QRFPR: variants seen among roughly 807,000 people sequenced by gnomAD.
QRFPR encodes the protein pyroglutamylated RF-amide peptide receptor.
QRFPR carries 37 observed loss-of-function variants against 31.3 expected under a neutral mutation model. That is an observed-to-expected ratio of 1.18 (90% CI 0.91 to 1.56). The LOEUF (loss-of-function observed/expected upper bound fraction) is 1.56, where lower values mean the gene tolerates loss of function less well. QRFPR is among the 40% of genes most tolerant of loss of function. The pLI is 0.00. For missense variants in QRFPR, 542 were observed against 532.5 expected (o/e 1.02, Z -0.18); for synonymous variants, 197 against 192.0 (o/e 1.03, Z -0.22).
At chr4:121,341,784 A>T (rs1034105415) in intron 1 of QRFPR, among the ~76,000 whole-genome samples, 3 of 152,050 alleles carry the variant, frequency 2.0e-5, no homozygotes, top group African/African-American at 7.2e-5. Flanking sequence ...AATCTGAAAC[A>T]CCTCTGGTCT....
chr4:121,340,533 C>A lies in QRFPR; in HGVS notation c.418G>T (p.Ala140Ser). ...ACAAGTCCCTGGTGCCTTTCCACAG[C>A]AATGCAGGTCATAGTGAGGATTTCT... Reference protein sequence around the residue: ...VTEILTMTCIAVERHQGLVHP... With the variant: ...VTEILTMTCISVERHQGLVHP... The change falls in exon 2 of 6, where the codon GCT becomes TCT. Residue 140 changes from alanine (A) to serine (S), a missense_variant. Physicochemically the swap from Ala to Ser is moderately conservative, Grantham distance 99. Coordinates refer to ENST00000394427, the MANE Select transcript of QRFPR (RefSeq NM_198179.3). The A allele has an allele frequency of 6.2e-7, 1 of 1,614,034 alleles. No homozygotes were observed.
rs139182141 is a variant in QRFPR at position 121,362,268 on chromosome 4, A to G, written c.340+18040T>C. Among the ~76,000 whole-genome samples, 704 of 150,362 alleles carry G rather than the reference A, an allele frequency of 4.7e-3. 49 individuals carry two copies. The highest frequency in any genetic ancestry group is 0.017 in the African/African-American group (682 of 40,724). ...CTGTAAATCAAGATTTTCTGACCAT[A>G]ATAGAACAATATGGCTGGTTTTCTT... On this transcript the variant is annotated intron_variant, in intron 1 of 5. Coordinates refer to ENST00000394427, the MANE Select transcript of QRFPR (RefSeq NM_198179.3).
chr4:121,345,355 G>GTT (rs1725623220), intron 1 of QRFPR, among the ~76,000 whole-genome samples: 3 of 152,190 alleles, frequency 2.0e-5, no homozygotes, highest in Non-Finnish European at 4.4e-5. Flanking sequence ...TCAGCTTCAC[G>GTT]CTGATCCTGT....
intron 1 of QRFPR, among the ~76,000 whole-genome samples, chr4:121,368,905 T>C (rs1726177612): frequency 6.6e-6 from 1 of 151,112 alleles, no homozygotes; most frequent in Non-Finnish European, 1.5e-5. Flanking sequence ...TGAGAATATT[T>C]AGTCTAACTT....
At chr4:121,331,854 T>C (rs1725333697) in intron 4 of QRFPR, among the ~76,000 whole-genome samples, 1 of 151,976 alleles carries the variant, frequency 6.6e-6, no homozygotes, top group African/African-American at 2.4e-5. Flanking sequence ...AGTTTCACCA[T>C]GTCGGTCAGG....
intron 1 of QRFPR, among the ~76,000 whole-genome samples, chr4:121,373,205 A>T (rs1015977705): frequency 8.5e-5 from 13 of 152,244 alleles, no homozygotes; most frequent in East Asian, 5.8e-4. Context: ...TGCACAGTGA[A>T]ATATTTAAAA....
intron 1 of QRFPR, among the ~76,000 whole-genome samples, chr4:121,346,127 A>T (rs1317745568): frequency 6.6e-6 from 1 of 152,250 alleles, no homozygotes; most frequent in Admixed American, 6.5e-5. Flanking sequence ...TTCATAAAGG[A>T]AAGTTTACTT....
chr4:121,357,861 G>A (rs987795755), intron 1 of QRFPR, among the ~76,000 whole-genome samples: 1 of 152,132 alleles, frequency 6.6e-6, no homozygotes, highest in Non-Finnish European at 1.5e-5. Flanking sequence ...GGGGCTTCAG[G>A]GGGAGAGGAT....
Position 121,380,407 on chromosome 4 carries a change from T to A in QRFPR, c.241A>T (p.Asn81Tyr), listed in dbSNP as rs1214623104. The A allele has an allele frequency of 6.2e-7, 1 of 1,614,150 alleles. No individual in the cohort carries two copies. Among genetic ancestry groups the A allele is most frequent in the Non-Finnish European group, 8.5e-7 (1 of 1,180,024 alleles). The change falls in exon 1 of 6, where the codon AAC becomes TAC. Residue 81 changes from asparagine (N) to tyrosine (Y), a missense_variant. Coordinates refer to ENST00000394427, the MANE Select transcript of QRFPR (RefSeq NM_198179.3). ...AGCGCCAAGGAGCAGATAAAGATGTTGGTGACGGTGCGCATGGCCTTGCTG... is the reference window on the plus strand; with the variant it reads ...AGCGCCAAGGAGCAGATAAAGATGTAGGTGACGGTGCGCATGGCCTTGCTG... The part of the protein sequence containing the change: ...TRSKAMRTVT[N>Y]IFICSLALSD...
intron 1 of QRFPR, among the ~76,000 whole-genome samples, chr4:121,347,602 C>G (rs927725975): frequency 6.6e-6 from 1 of 152,136 alleles, no homozygotes; most frequent in Non-Finnish European, 1.5e-5. Context: ...AACGCCCTCT[C>G]CATTAGTCTA....
chr4:121,373,608 C>T (rs1261040409), intron 1 of QRFPR, among the ~76,000 whole-genome samples: 2 of 152,102 alleles, frequency 1.3e-5, no homozygotes, highest in African/African-American at 4.8e-5. Context: ...TCCCCAAGAA[C>T]TCTAAAATTT....
chr4:121,359,420 A>C (rs1442619102), intron 1 of QRFPR, among the ~76,000 whole-genome samples: 1 of 152,016 alleles, frequency 6.6e-6, no homozygotes, highest in Non-Finnish European at 1.5e-5. Flanking sequence ...AGTGAATATA[A>C]AGCAGGCAGA....
intron 3 of QRFPR, among the ~76,000 whole-genome samples, chr4:121,333,827 C>T (rs903469155): frequency 9.9e-5 from 15 of 151,964 alleles, no homozygotes; most frequent in African/African-American, 3.1e-4. Context: ...GGAATAAAAA[C>T]GAGAATATTT....
chr4:121,377,162 A>G (rs1211909014), intron 1 of QRFPR, among the ~76,000 whole-genome samples: 2 of 152,228 alleles, frequency 1.3e-5, no homozygotes. Flanking sequence ...AGTCAGCATC[A>G]TAAAAATCTG....
chr4:121,351,813 G>T (rs887884221), intron 1 of QRFPR, among the ~76,000 whole-genome samples: 1 of 148,074 alleles, frequency 6.8e-6, no homozygotes, highest in African/African-American at 2.5e-5. Flanking sequence ...GTTCACCAAA[G>T]ATACAACTCC....
chr4:121,334,628 G>A (rs1462089658), intron 3 of QRFPR: 3 of 392,478 alleles, frequency 7.6e-6, no homozygotes, highest in Non-Finnish European at 1.5e-5. Context: ...GCCTGGCAGA[G>A]AAAAAAAGGT....
rs974089820 is a variant in QRFPR at position 121,364,903 on chromosome 4, G to T, written c.340+15405C>A. Among the ~76,000 whole-genome samples the T allele has an allele frequency of 6.0e-5, 9 of 149,386 alleles. 1 individual carries two copies. Among genetic ancestry groups the T allele is most frequent in the Non-Finnish European group, 1.3e-4 (9 of 67,438 alleles). ...AAAAAGCAATTCGATTTAATAAGCA[G>T]GTCTTTGTTTACTACTGGAGAGAAG... On this transcript the variant is annotated intron_variant, in intron 1 of 5. Coordinates refer to ENST00000394427, the MANE Select transcript of QRFPR (RefSeq NM_198179.3).
In QRFPR at chr4:121,376,547, T is replaced by G. The variant is rs533087987; in HGVS notation, c.340+3761A>C. Among the ~76,000 whole-genome samples, 254 of 152,012 alleles carry G rather than the reference T, an allele frequency of 1.7e-3. 1 individual carries two copies. The highest frequency in any genetic ancestry group is 2.3e-3 in the Non-Finnish European group (157 of 67,928). ...AACTGTTTGATTTCTGGGTTTGTTT[T>G]TTTTTTTTTTCACTTTTTTAAAAAA... On this transcript the variant is annotated intron_variant, in intron 1 of 5. Transcript: ENST00000394427.
intron 1 of QRFPR, among the ~76,000 whole-genome samples, chr4:121,378,032 C>T (rs1726389829): frequency 6.6e-6 from 1 of 152,062 alleles, no homozygotes; most frequent in Non-Finnish European, 1.5e-5. Context: ...GTATTATTTA[C>T]TCAATTTATA....
Sources: gnomAD v4.1 joint callset for allele counts (sites outside exome capture counted in the v4.1 genomes callset) on GRCh38, gnomAD v4.1.1 for gene constraint, MANE v1.5 for transcripts, NCBI Gene and HGNC (gene_info 2026-07-23, HGNC 2026-07-21) for gene names.